Variants in CDRT4 observed in about 807,000 individuals in gnomAD.
The protein encoded by CDRT4 is CMT1A duplicated region transcript 4 protein.
For missense variants in CDRT4, 167 were observed against 193.1 expected (o/e 0.87, Z 0.80); for synonymous variants, 64 against 69.6 (o/e 0.92, Z 0.40).
At position 15,437,874 on chromosome 17, in the gene CDRT4, G is replaced by T. The variant is rs756426503; in HGVS notation, c.358C>A (p.His120Asn). 1 of 1,614,192 alleles carries T rather than the reference G, an allele frequency of 6.2e-7. No homozygotes were observed. The highest frequency in any genetic ancestry group is 8.5e-7 in the Non-Finnish European group (1 of 1,180,032). Residue 120 changes from histidine to asparagine, a missense_variant, in exon 4 of 4, where the codon CAC becomes AAC. His to Asn is a moderately conservative substitution (Grantham distance 68). Transcript: ENST00000619038. ...MAPTMIPEPT[H>N]LHADSRDCPT... Reference sequence around the variant, plus strand: ...CAGTCTCTGGAATCCGCATGTAAGTGTGTGGGTTCTGGGATCATGGTAGGA... The same window carrying T: ...CAGTCTCTGGAATCCGCATGTAAGTTTGTGGGTTCTGGGATCATGGTAGGA...
intron 2 of CDRT4, among the ~76,000 whole-genome samples, chr17:15,446,993 G>A (rs1979056475): frequency 6.6e-6 from 1 of 152,126 alleles, no homozygotes; most frequent in Non-Finnish European, 1.5e-5. Flanking sequence ...TCTTCTAAGA[G>A]GGACAGGTCC....
intron 2 of CDRT4, among the ~76,000 whole-genome samples, chr17:15,446,305 C>G (rs1049494063): frequency 6.6e-6 from 1 of 152,114 alleles, no homozygotes; most frequent in Non-Finnish European, 1.5e-5. Context: ...TTACCCCGCC[C>G]CTATCCCATG....
intron 1 of CDRT4, among the ~76,000 whole-genome samples, chr17:15,466,744 A>ATTTTT (rs1372325173): frequency 6.6e-6 from 1 of 151,872 alleles, no homozygotes; most frequent in Non-Finnish European, 1.5e-5. Flanking sequence ...TTTTATTTTT[A>ATTTTT]TTTTTGTAGA....
chr17:15,461,976 C>A (rs1342398606), intron 1 of CDRT4, among the ~76,000 whole-genome samples: 1 of 151,902 alleles, frequency 6.6e-6, no homozygotes, highest in Non-Finnish European at 1.5e-5. Flanking sequence ...AAAGACTGGC[C>A]GAAGGTGAGA....
At chr17:15,454,501 T>C (rs1979398286) in intron 1 of CDRT4, among the ~76,000 whole-genome samples, 1 of 152,166 alleles carries the variant, frequency 6.6e-6, no homozygotes, top group South Asian at 2.1e-4. Flanking sequence ...GGCACATGCA[T>C]ACACATACAG....
intron 1 of CDRT4, among the ~76,000 whole-genome samples, chr17:15,462,085 A>G (rs981086680): frequency 6.6e-6 from 1 of 152,148 alleles, no homozygotes; most frequent in Non-Finnish European, 1.5e-5. Flanking sequence ...GGAACTGCAG[A>G]AATGGCTAAT....
At chr17:15,460,201 C>T (rs1191611374) in intron 1 of CDRT4, among the ~76,000 whole-genome samples, 1 of 152,210 alleles carries the variant, frequency 6.6e-6, no homozygotes, top group African/African-American at 2.4e-5. Flanking sequence ...ACATTCAAAA[C>T]CTGCTTCCCC....
chr17:15,456,780 C>A (rs1463703727), intron 1 of CDRT4, among the ~76,000 whole-genome samples: 2 of 152,148 alleles, frequency 1.3e-5, no homozygotes, highest in African/African-American at 4.8e-5. Flanking sequence ...TCATGGGGTC[C>A]TATGGGAGTT....
At chr17:15,453,548 A>G (rs1342100203) in intron 1 of CDRT4, among the ~76,000 whole-genome samples, 2 of 152,228 alleles carry the variant, frequency 1.3e-5, no homozygotes, top group Non-Finnish European at 2.9e-5. Flanking sequence ...TCCTCTCCCC[A>G]ACAAAGGCCT....
chr17:15,465,869 CCT>C (rs1002738636), intron 1 of CDRT4, among the ~76,000 whole-genome samples: 5 of 151,834 alleles, frequency 3.3e-5, no homozygotes, highest in African/African-American at 7.3e-5. Flanking sequence ...ACTCCAGACC[CCT>C]GAGGGTGGTA....
In CDRT4 at chr17:15,450,571, CTTCT is replaced by C. The variant is rs1021229153; in HGVS notation, c.-48+2429_-48+2432del. Among the ~76,000 whole-genome samples, 7 of 145,612 alleles carry C rather than the reference CTTCT, an allele frequency of 4.8e-5. No individual in the cohort carries two copies. The highest frequency in any genetic ancestry group is 7.4e-5 in the Non-Finnish European group (5 of 67,754). On this transcript the variant is annotated intron_variant, in intron 2 of 3. Coordinates refer to ENST00000619038, the MANE Select transcript of CDRT4 (RefSeq NM_001204477.2). This position sits in a 1 kb window ranked among gnomAD's most constrained non-coding sequence, Gnocchi z 4.2. The stretch of plus-strand genomic sequence containing the variant: ...GTCTCCATTGAGGATTTCTAGTTCC[CTTCT>C]TTTTTTTTTTTTATTTCCACACATC...
At chr17:15,444,824 C>G (rs145423177) in intron 2 of CDRT4, among the ~76,000 whole-genome samples, 328 of 152,122 alleles carry the variant, frequency 2.2e-3, no homozygotes, top group Non-Finnish European at 4.0e-3. Context: ...ATAGTCAGCA[C>G]TGCATCTCAA....
chr17:15,465,985 T>C (rs921396098), intron 1 of CDRT4, among the ~76,000 whole-genome samples: 8 of 146,076 alleles, frequency 5.5e-5, no homozygotes, highest in East Asian at 2.1e-4. Context: ...ACCCTCTTTG[T>C]GCCCTGCACA....
At position 15,450,602 on chromosome 17, in the gene CDRT4, C is replaced by T. The variant is rs1979216530; in HGVS notation, c.-48+2402G>A. On this transcript the variant is annotated intron_variant, in intron 2 of 3. Transcript: ENST00000619038. The surrounding 1 kb of genome is among the most constrained non-coding windows in gnomAD (Gnocchi z 4.2). ...TTTTTTTTTTTATTTCCACACATCC[C>T]CAAAGTGATGGCAATCAGTTTTGTG... 6.6e-6 allele frequency among the ~76,000 whole-genome samples: 1 copy of T among 152,012 alleles called. No individual in the cohort carries two copies. Among genetic ancestry groups the T allele is most frequent in the African/African-American group, 2.4e-5 (1 of 41,374 alleles).
At chr17:15,445,962 C>T (rs926646072) in intron 2 of CDRT4, among the ~76,000 whole-genome samples, 2 of 152,184 alleles carry the variant, frequency 1.3e-5, no homozygotes, top group Non-Finnish European at 2.9e-5. Context: ...CCATCTCCTC[C>T]CTGCCCTCTG....
chr17:15,466,779 G>A (rs1980059937), intron 1 of CDRT4, among the ~76,000 whole-genome samples: 3 of 152,066 alleles, frequency 2.0e-5, no homozygotes, highest in South Asian at 4.2e-4. Flanking sequence ...ATGTTGCCTA[G>A]GCTGGTCTTG....
chr17:15,443,436 T>C (rs1310156228), intron 2 of CDRT4, among the ~76,000 whole-genome samples: 1 of 130,022 alleles, frequency 7.7e-6, no homozygotes, highest in African/African-American at 2.8e-5. Flanking sequence ...CACACCACCA[T>C]AGCTGGATAA....
chr17:15,438,006 G>T lies in CDRT4; in HGVS notation c.226C>A (p.Pro76Thr), dbSNP rs374787075. ...RQNKPSSVIQ[P>T]KRRKSSKSSG... ...GACTTGGAAGACTTCCTCCTTTTCG[G>T]CTGAATGACGCTGGAAGGTTTATTC... Residue 76 changes from proline to threonine, a missense_variant, in exon 4 of 4, where the codon CCG becomes ACG. Pro to Thr is a conservative substitution (Grantham distance 38). Coordinates refer to ENST00000619038, the MANE Select transcript of CDRT4 (RefSeq NM_001204477.2). 29 of 1,614,004 alleles carry T rather than the reference G, an allele frequency of 1.8e-5. No individual in the cohort carries two copies. Among genetic ancestry groups the T allele is most frequent in the African/African-American group, 4.0e-5 (3 of 74,910 alleles).
intron 2 of CDRT4, among the ~76,000 whole-genome samples, chr17:15,448,738 G>A (rs1322101592): frequency 6.6e-6 from 1 of 152,012 alleles, no homozygotes; most frequent in Non-Finnish European, 1.5e-5. Flanking sequence ...TCTGAAGCTT[G>A]TGCCCCCAGG....
Sources: allele counts gnomAD v4.1 joint callset (sites outside exome capture counted in the v4.1 genomes callset), GRCh38; gene constraint gnomAD v4.1.1; non-coding constraint Gnocchi (gnomAD v3.1); transcripts MANE v1.5; gene names NCBI Gene and HGNC (gene_info 2026-07-23, HGNC 2026-07-21).